GDPD4: variants seen among roughly 807,000 people sequenced by gnomAD.
GDPD4 encodes the protein glycerophosphodiester phosphodiesterase domain containing 4, also known as glycerophosphodiester phosphodiesterase 6.
In GDPD4, 60 loss-of-function variants were observed where a neutral mutation model predicts 67.8. The observed-to-expected ratio is 0.88, with a 90% CI of 0.72 to 1.10. The LOEUF is 1.10. Ranked by LOEUF, GDPD4 falls within the 50% of genes least tolerant of loss-of-function variation. The probability of loss-of-function intolerance (pLI) is 0.00; values close to 1 mark genes in which losing one functional copy is unlikely to be tolerated. For missense variants in GDPD4, 623 were observed against 613.9 expected (o/e 1.01, Z -0.16); for synonymous variants, 212 against 210.9 (o/e 1.00, Z -0.04).
rs746230267 is a variant in GDPD4 at position 77,229,192 on chromosome 11, A to G, written c.1430T>C (p.Ile477Thr). 7 of 1,609,518 alleles carry G rather than the reference A, an allele frequency of 4.3e-6. No individual in the cohort carries two copies. Among genetic ancestry groups the G allele is most frequent in the South Asian group, 1.1e-5 (1 of 90,336 alleles). The change falls in exon 15 of 17, where the codon ATC becomes ACC. Residue 477 changes from isoleucine (I) to threonine (T), a missense_variant. Physicochemically the swap from Ile to Thr is moderately conservative, Grantham distance 89. Coordinates refer to ENST00000315938, the MANE Select transcript of GDPD4 (RefSeq NM_182833.3). Reference sequence around the variant, plus strand: ...GGCAACAATAAAAAGCACAGAAATGATATCTGCAAGGAGCCACATGAACAC... The same window carrying G: ...GGCAACAATAAAAAGCACAGAAATGGTATCTGCAAGGAGCCACATGAACAC... ...FYVFMWLLADIISVLFIVAIF... is the reference protein window; with the variant it reads ...FYVFMWLLADTISVLFIVAIF...
chr11:77,270,042 A>G (rs182514432), intron 7 of GDPD4, 82 bp from the exon 8 acceptor site: 2 of 671,464 alleles, frequency 3.0e-6, no homozygotes, highest in African/African-American at 1.8e-5. Flanking sequence ...TCTAAAATTT[A>G]CCCTCCACAC....
intron 12 of GDPD4, among the ~76,000 whole-genome samples, chr11:77,244,311 C>T (rs1268658891): frequency 6.6e-5 from 10 of 152,162 alleles, no homozygotes; most frequent in African/African-American, 1.4e-4. Flanking sequence ...GGATTACAGG[C>T]GTGAGCCACC....
At chr11:77,255,325 G>A (rs889285114) in intron 11 of GDPD4, among the ~76,000 whole-genome samples, 1 of 152,156 alleles carries the variant, frequency 6.6e-6, no homozygotes, top group Non-Finnish European at 1.5e-5. Context: ...CCAGCACTTT[G>A]GGGGGCTGAG....
intron 11 of GDPD4, among the ~76,000 whole-genome samples, chr11:77,246,465 A>G (rs1290889429): frequency 6.6e-6 from 1 of 152,230 alleles, no homozygotes; most frequent in African/African-American, 2.4e-5. Context: ...TAAATATACA[A>G]TTAGAGACAA....
intron 14 of GDPD4, 148 bp downstream of exon 14, chr11:77,232,877 G>C (rs1958478780): frequency 1.6e-6 from 1 of 631,112 alleles, no homozygotes; most frequent in African/African-American, 1.8e-5. Context: ...GGATCTGTGA[G>C]AATGGAAAAT....
At chr11:77,297,805 A>T (rs1938026928) in intron 1 of GDPD4, among the ~76,000 whole-genome samples, 1 of 152,232 alleles carries the variant, frequency 6.6e-6, no homozygotes, top group South Asian at 2.1e-4. Context: ...TCCATTCAGC[A>T]CACTTTGAGC....
chr11:77,259,185 G>A (rs1959064789), intron 10 of GDPD4, among the ~76,000 whole-genome samples: 1 of 151,992 alleles, frequency 6.6e-6, no homozygotes, highest in Admixed American at 6.6e-5. Context: ...TTGTCATGTT[G>A]GCCAGGCTGG....
chr11:77,269,018 T>C lies in GDPD4; in HGVS notation c.530A>G (p.Tyr177Cys). Residue 177 changes from tyrosine to cysteine, a missense_variant, in exon 9 of 17, where the codon TAT (tyrosine) becomes TGT (cysteine). By Grantham distance (194) the Tyr-to-Cys change is radical. Transcript: ENST00000315938. The stretch of plus-strand genomic sequence containing the variant: ...AGAATAAATCCCCAGTGGCATCAAA[T>C]AGAGACCTAAAAGGATAAGAAGAAA... ...LPFLLILLGL[Y>C]LMPLGIYSPC... The C allele has an allele frequency of 1.2e-6, 2 of 1,613,764 alleles. No individual in the cohort carries two copies. The highest frequency in any genetic ancestry group is 1.7e-6 in the Non-Finnish European group (2 of 1,179,846).
At chr11:77,290,088 T>C (rs182636809) in intron 1 of GDPD4, among the ~76,000 whole-genome samples, 20 of 152,246 alleles carry the variant, frequency 1.3e-4, no homozygotes, top group Admixed American at 3.9e-4. Context: ...AAAAAGGTCT[T>C]CTCCAAGGCA....
chr11:77,260,672 A>T (rs1591555262), intron 10 of GDPD4, among the ~76,000 whole-genome samples: 1 of 152,326 alleles, frequency 6.6e-6, no homozygotes, highest in South Asian at 2.1e-4. Context: ...AGGTGTAAAC[A>T]AGGTATGTAA....
chr11:77,257,517 CCTCTCTT>C (rs1320449724), intron 11 of GDPD4, among the ~76,000 whole-genome samples: 1 of 149,606 alleles, frequency 6.7e-6, no homozygotes, highest in Non-Finnish European at 1.5e-5. Context: ...CCTCTTCCTT[CCTCTCTT>C]CTTTCCTCTA....
intron 3 of GDPD4, among the ~76,000 whole-genome samples, chr11:77,281,622 A>G (rs1959756364): frequency 6.6e-6 from 1 of 152,202 alleles, no homozygotes; most frequent in African/African-American, 2.4e-5. Flanking sequence ...ATTTTTCTCT[A>G]GAAGGATTGG....
At chr11:77,222,445 T>C (rs985977329) in intron 16 of GDPD4, among the ~76,000 whole-genome samples, 1 of 152,190 alleles carries the variant, frequency 6.6e-6, no homozygotes, top group Non-Finnish European at 1.5e-5. Flanking sequence ...AGCATTTGCT[T>C]GTCTGTAAAG....
At chr11:77,243,987 G>C (rs565183369) in intron 12 of GDPD4, 139 bp from the exon 13 acceptor site, 1 of 616,664 alleles carries the variant, frequency 1.6e-6, no homozygotes, top group Non-Finnish European at 2.8e-6. Flanking sequence ...AGTCCTTGGT[G>C]AAAGAGTCAA....
At chr11:77,269,119 G>A (rs972387618) in intron 8 of GDPD4, 50 bp from the exon 9 acceptor site, 2 of 1,567,698 alleles carry the variant, frequency 1.3e-6, no homozygotes, top group East Asian at 2.2e-5. Context: ...GATAAAGAGG[G>A]ATGGAAAATC....
chr11:77,235,248 A>G (rs1171756683), intron 13 of GDPD4, among the ~76,000 whole-genome samples: 1 of 152,042 alleles, frequency 6.6e-6, no homozygotes, highest in Non-Finnish European at 1.5e-5. Context: ...TGGAAATTCA[A>G]TGTAGTAAAG....
chr11:77,235,009 G>GTTTTTTTTTTTTTTTT lies in GDPD4; in HGVS notation c.1242-1853_1242-1838dup, dbSNP rs57989259. 1.3e-3 allele frequency among the ~76,000 whole-genome samples: 67 copies of GTTTTTTTTTTTTTTTT among 52,256 alleles called. 8 individuals are homozygous for GTTTTTTTTTTTTTTTT. Among genetic ancestry groups the GTTTTTTTTTTTTTTTT allele is most frequent in the Middle Eastern group, 0.019 (1 of 54 alleles). 34.3% of individuals were successfully genotyped at this position (52,256 alleles called of 152,430 possible). ...TCTCTCTGCAACCTTGTCAATATCT[G>GTTTTTTTTTTTTTTTT]TTTTTTTTTTTTTTTTTTTTTTTTT... is the stretch of plus-strand genomic sequence containing the variant. On this transcript the variant is annotated intron_variant, in intron 13 of 16. Transcript: ENST00000315938.
intron 1 of GDPD4, among the ~76,000 whole-genome samples, chr11:77,299,690 A>G (rs998039529): frequency 1.3e-5 from 2 of 152,170 alleles, no homozygotes; most frequent in Non-Finnish European, 2.9e-5. Context: ...GTTGTCCAAG[A>G]GAGTAAGTCC....
chr11:77,222,849 CCGTCA>C (rs1188107968), intron 16 of GDPD4, among the ~76,000 whole-genome samples: 1 of 152,186 alleles, frequency 6.6e-6, no homozygotes, highest in Non-Finnish European at 1.5e-5. Flanking sequence ...TCCATTCTCC[CCGTCA>C]CTTTCAGGTA....
Sources: allele counts gnomAD v4.1 joint callset (sites outside exome capture counted in the v4.1 genomes callset), GRCh38; gene constraint gnomAD v4.1.1; transcripts MANE v1.5; gene names NCBI Gene and HGNC (gene_info 2026-07-23, HGNC 2026-07-21).